Variants in ZNF43 observed in about 807,000 individuals in gnomAD.
ZNF43 encodes the protein zinc finger protein 39-like 1 (KOX 27).
Under a neutral mutation model 68.4 loss-of-function variants are expected in ZNF43, and 44 were observed. That is an observed-to-expected ratio of 0.64 (90% CI 0.51 to 0.83). ZNF43 has a LOEUF of 0.83. Ranked by LOEUF, ZNF43 falls within the 40% of genes least tolerant of loss-of-function variation. ZNF43 has a pLI of 0.00. For missense variants in ZNF43, 896 were observed against 933.2 expected, an observed-to-expected ratio of 0.96 and a Z score of 0.52; for synonymous variants, 308 against 307.8, an observed-to-expected ratio of 1.00 and a Z score of -0.01.
In ZNF43 at chr19:21,808,779, G is replaced by C. The variant is rs560674353; in HGVS notation, c.1258C>G (p.His420Asp). The change falls in exon 4 of 4, where the codon CAT (histidine) becomes GAT (aspartate). Residue 420 changes from histidine (H) to aspartate (D), a missense_variant. Coordinates refer to ENST00000354959, the MANE Select transcript of ZNF43 (RefSeq NM_003423.4). ...CATTTGTAGGGTTTCTCTCCAGTAT[G>C]AGTTAACTTATGTTCAGTAAGCTTT... ...SSKLTEHKLT[H>D]TGEKPYKCEE... 3 of 1,611,186 alleles carry C rather than the reference G, an allele frequency of 1.9e-6. No individual in the cohort carries two copies. In the South Asian group the frequency reaches 3.3e-5, roughly 18 times the overall value.
chr19:21,831,276 G>C (rs2038411572), intron 1 of ZNF43, among the ~76,000 whole-genome samples: 1 of 152,152 alleles, frequency 6.6e-6, no homozygotes, highest in African/African-American at 2.4e-5. Flanking sequence ...TAAAGAGAAA[G>C]AAAGTCAGAC....
chr19:21,839,458 C>T (rs1967364835), upstream of ZNF43: 1 of 150,838 alleles, frequency 6.6e-6, no homozygotes, highest in Non-Finnish European at 1.5e-5. Flanking sequence ...AAGTGCTTGA[C>T]TAAGCGATAT....
At chr19:21,839,355 AAG>A (rs1555726812), upstream of ZNF43, among the ~76,000 whole-genome samples, 2 of 146,160 alleles carry the variant, frequency 1.4e-5, no homozygotes, top group Admixed American at 7.1e-5. Context: ...AAAAAAAAAA[AAG>A]AGATCACATA....
Position 21,812,159 on chromosome 19 carries a change from C to A in ZNF43, c.230-2352G>T. On this transcript the variant is annotated intron_variant, in intron 3 of 3. Transcript: ENST00000354959. ...TCTTTTTTTTTGAGACGGAGTCTCA[C>A]TCTGTCACCCATGCTGGAGTGCAGC... 3 of 371,382 alleles carry A rather than the reference C, an allele frequency of 8.1e-6. No individual in the cohort carries two copies. In the East Asian group the frequency reaches 1.1e-4, roughly 14 times the overall value. 23.0% of individuals were successfully genotyped at this position (371,382 alleles called of 1,614,324 possible). A position where few individuals can be genotyped will look rare whatever the true frequency, so the allele number is the denominator to read the frequency against.
rs201763466 is a variant in ZNF43 at position 21,828,736 on chromosome 19, G to GA, written c.3+7299dup. Among the ~76,000 whole-genome samples, 262 of 121,324 alleles carry GA rather than the reference G, an allele frequency of 2.2e-3. 2 individuals carry two copies. The highest frequency in any genetic ancestry group is 5.6e-3 in the African/African-American group (182 of 32,660). The allele number at this position is 121,324 out of a possible 152,430, so 79.6% of individuals were successfully genotyped here. On this transcript the variant is annotated intron_variant, in intron 1 of 3. Transcript: ENST00000354959. ...CCGTCTCAAAAAAAGTAAATTTAAG[G>GA]AAAAAAAAAAAATACAGCCGGACGC...
At chr19:21,823,250 C>T (rs1473885480) in intron 1 of ZNF43, among the ~76,000 whole-genome samples, 1 of 152,050 alleles carries the variant, frequency 6.6e-6, no homozygotes, top group Non-Finnish European at 1.5e-5. Flanking sequence ...ATGACTGCTT[C>T]ATCTATTTTT....
upstream of ZNF43, chr19:21,836,260 C>T: frequency 1.5e-6 from 2 of 1,376,998 alleles, no homozygotes; most frequent in South Asian, 3.2e-5. Flanking sequence ...AGCCCAGCGT[C>T]CCTGATTGGA....
intron 1 of ZNF43, among the ~76,000 whole-genome samples, chr19:21,831,856 A>G (rs1250599784): frequency 6.6e-6 from 1 of 152,214 alleles, no homozygotes; most frequent in African/African-American, 2.4e-5. Context: ...CTCTATGACA[A>G]GAATTTTAAA....
At chr19:21,824,530 G>C (rs192143330) in intron 1 of ZNF43, among the ~76,000 whole-genome samples, 2 of 152,212 alleles carry the variant, frequency 1.3e-5, no homozygotes, top group East Asian at 3.9e-4. Flanking sequence ...TGCAGAAAAT[G>C]TCTCTTGCTA....
chr19:21,839,538 G>A (rs1051048088), upstream of ZNF43: 1 of 152,170 alleles, frequency 6.6e-6, no homozygotes, highest in African/African-American at 2.4e-5. Context: ...TGGGCCCAGA[G>A]ATATGTCAAA....
rs137982117 is a variant in ZNF43, at chr19:21,808,257, A to T, written c.1780T>A (p.Tyr594Asn). The change falls in exon 4 of 4, where the codon TAC becomes AAC. Residue 594 changes from tyrosine (Y) to asparagine (N), a missense_variant. Transcript: ENST00000354959. ...HKKIHTGEKF[Y>N]KCEECGKAFT... Reference sequence around the variant, plus strand: ...GCTTTGCCACATTCTTCACATTTGTAGAATTTCTCTCCAGTATGAATTTTC... The same window carrying T: ...GCTTTGCCACATTCTTCACATTTGTTGAATTTCTCTCCAGTATGAATTTTC... 18 of 1,613,538 alleles carry T rather than the reference A, an allele frequency of 1.1e-5. No homozygotes were observed. The highest frequency in any genetic ancestry group is 1.4e-5 in the Non-Finnish European group (17 of 1,179,856).
At chr19:21,835,739 G>A (rs1199829597) in intron 1 of ZNF43, among the ~76,000 whole-genome samples, 1 of 152,204 alleles carries the variant, frequency 6.6e-6, no homozygotes, top group South Asian at 2.1e-4. Flanking sequence ...TGCATCACGA[G>A]TCAGGATTCT....
At chr19:21,809,887 A>G in intron 3 of ZNF43, 80 bp from the exon 4 acceptor site, 2 of 1,329,332 alleles carry the variant, frequency 1.5e-6, no homozygotes, top group Non-Finnish European at 2.0e-6. Context: ...ATAAAATCAC[A>G]CAAGCTACAT....
intron 3 of ZNF43, chr19:21,812,005 C>T (rs991796607): frequency 5.0e-6 from 2 of 398,578 alleles, no homozygotes; most frequent in Non-Finnish European, 8.9e-6. Flanking sequence ...CTACACTATA[C>T]CTCGAAATTA....
rs200282036 is a variant in ZNF43, at chr19:21,829,254, C to CA, written c.3+6781dup. Among the ~76,000 whole-genome samples, 594 of 151,284 alleles carry CA rather than the reference C, an allele frequency of 3.9e-3. 3 individuals are homozygous for CA. Among genetic ancestry groups the CA allele is most frequent in the African/African-American group, 0.014 (569 of 41,290 alleles). Reference sequence around the variant, plus strand: ...AAAAAAAAACAAAAAACACCACACACAAAAAAAACTACACAGACTCCAAGG... The same window carrying CA: ...AAAAAAAAACAAAAAACACCACACACAAAAAAAAACTACACAGACTCCAAGG... On this transcript the variant is annotated intron_variant, in intron 1 of 3. Transcript: ENST00000354959.
At chr19:21,845,089 G>T (rs531392539) in intron 1 of ZNF43, among the ~76,000 whole-genome samples, 65 of 150,922 alleles carry the variant, frequency 4.3e-4, no homozygotes, top group African/African-American at 1.5e-3. Context: ...GCTTGGGCAG[G>T]GATGCCTTAA....
At chr19:21,843,979 A>G (rs2457783) in intron 1 of ZNF43, among the ~76,000 whole-genome samples, 7,565 of 152,220 alleles carry the variant, frequency 0.05, 404 homozygotes, top group African/African-American at 0.14. Context: ...CTGGTTGCGC[A>G]TATGAGTATA....
intron 1 of ZNF43, among the ~76,000 whole-genome samples, chr19:21,825,679 T>G (rs1404101998): frequency 1.3e-5 from 2 of 151,874 alleles, no homozygotes; most frequent in Non-Finnish European, 2.9e-5. Context: ...GTCTACTCAA[T>G]GCACACGTTA....
chr19:21,841,733 T>C (rs574990041), intron 1 of ZNF43: 1 of 152,344 alleles, frequency 6.6e-6, no homozygotes, highest in Admixed American at 6.5e-5. Flanking sequence ...ATCACCTAGA[T>C]ACAGAGTCCA....
Sources: allele counts gnomAD v4.1 joint callset (sites outside exome capture counted in the v4.1 genomes callset), GRCh38; gene constraint gnomAD v4.1.1; transcripts MANE v1.5; gene names NCBI Gene and HGNC (gene_info 2026-07-23, HGNC 2026-07-21).